Variants in CAMTA1 observed in about 807,000 individuals in gnomAD.
CAMTA1 encodes calmodulin-binding transcription activator 1.
CAMTA1 carries 27 observed loss-of-function variants against 170.9 expected under a neutral mutation model. The observed-to-expected ratio is 0.16, with a 90% confidence interval of 0.12 to 0.22. The LOEUF (loss-of-function observed/expected upper bound fraction) is 0.22. Ranked by LOEUF, CAMTA1 falls within the 10% of genes least tolerant of loss-of-function variation. CAMTA1 has a pLI of 1.00. For missense variants in CAMTA1, 1,619 were observed against 2,217.2 expected, an observed-to-expected ratio of 0.73 and a Z score of 5.42; for synonymous variants, 833 against 891.5, an observed-to-expected ratio of 0.93 and a Z score of 1.17.
chr1:7,744,313 G>T (rs1049975111), intron 16 of CAMTA1, among the ~76,000 whole-genome samples: 1 of 151,136 alleles, frequency 6.6e-6, no homozygotes, highest in Non-Finnish European at 1.5e-5. Context: ...TGTATTTTTA[G>T]TAGGGACAGG....
chr1:7,242,136 C>T (rs533717898), intron 4 of CAMTA1, among the ~76,000 whole-genome samples: 1 of 152,222 alleles, frequency 6.6e-6, no homozygotes, highest in African/African-American at 2.4e-5. Flanking sequence ...TAAAAATAGG[C>T]AAGAGATTCA....
rs191812499 is a variant in CAMTA1, at chr1:7,232,617, C to T, written c.303-16874C>T. ...AGCACTCTGTTCCCGGTGCCTACCA[C>T]GGGGCCAGGCACGTAGGGAGCCTCC... On this transcript the variant is annotated intron_variant, in intron 4 of 22. Transcript: ENST00000303635. Among the ~76,000 whole-genome samples, 41 of 152,234 alleles carry T rather than the reference C, an allele frequency of 2.7e-4. No individual in the cohort carries two copies. The Middle Eastern group carries it at 0.01, about 38-fold the overall frequency.
intron 5 of CAMTA1, among the ~76,000 whole-genome samples, chr1:7,335,525 A>G (rs1485068925): frequency 1.3e-5 from 2 of 152,158 alleles, no homozygotes; most frequent in Non-Finnish European, 2.9e-5. Flanking sequence ...CTGAGGCTCC[A>G]GCTTGAGGCT....
chr1:7,386,725 A>G (rs1200001574), intron 5 of CAMTA1, among the ~76,000 whole-genome samples: 1 of 152,154 alleles, frequency 6.6e-6, no homozygotes, highest in Non-Finnish European at 1.5e-5. Flanking sequence ...GGTAAAACAC[A>G]AGTGGCAACA....
intron 3 of CAMTA1, among the ~76,000 whole-genome samples, chr1:6,994,696 C>G (rs1696922343): frequency 6.6e-6 from 1 of 151,418 alleles, no homozygotes. Context: ...GAGACAAGGT[C>G]TGGCTCTATC....
Position 7,050,794 on chromosome 1 carries a change from G to A in CAMTA1, c.235-40510G>A, listed in dbSNP as rs1706217705. On this transcript the variant is annotated intron_variant, in intron 3 of 22. Coordinates refer to ENST00000303635, the MANE Select transcript of CAMTA1 (RefSeq NM_015215.4). This position sits in a 1 kb window ranked among gnomAD's most constrained non-coding sequence, Gnocchi z 4.8. ...CCACGAGTTTCTAGTCCTTGTCAGG[G>A]TGAGGCAGGCGGAGAAGAGGGGACT... 6.6e-6 allele frequency among the ~76,000 whole-genome samples: 1 copy of A among 152,188 alleles called. No homozygotes were observed. The highest frequency in any genetic ancestry group is 1.5e-5 in the Non-Finnish European group (1 of 68,040).
chr1:7,009,430 C>T (rs1699478588), intron 3 of CAMTA1, among the ~76,000 whole-genome samples: 1 of 152,164 alleles, frequency 6.6e-6, no homozygotes, highest in Non-Finnish European at 1.5e-5. Flanking sequence ...CAAGGAAAGC[C>T]CTTGCCTGCC....
intron 3 of CAMTA1, among the ~76,000 whole-genome samples, chr1:7,025,086 G>T (rs1701844166): frequency 6.6e-6 from 1 of 152,192 alleles, no homozygotes; most frequent in African/African-American, 2.4e-5. Context: ...TGAAGGCTGG[G>T]ATATTTCCCA....
intron 11 of CAMTA1, chr1:7,698,502 G>T: frequency 6.5e-6 from 1 of 153,454 alleles, no homozygotes; most frequent in Non-Finnish European, 1.4e-5. Flanking sequence ...GGGGGGTGCG[G>T]AACTGGAACC....
intron 4 of CAMTA1, among the ~76,000 whole-genome samples, chr1:7,119,600 C>T (rs976535261): frequency 6.6e-6 from 1 of 152,194 alleles, no homozygotes; most frequent in African/African-American, 2.4e-5. Context: ...TCTGCGATCT[C>T]TCTTCTGGGC....
At chr1:6,906,599 T>A (rs527240190) in intron 3 of CAMTA1, among the ~76,000 whole-genome samples, 1 of 152,180 alleles carries the variant, frequency 6.6e-6, no homozygotes, top group Non-Finnish European at 1.5e-5. Flanking sequence ...TTAATAATTA[T>A]TGTTCAAGCA....
At chr1:6,844,311 C>T (rs1050842361) in intron 3 of CAMTA1, among the ~76,000 whole-genome samples, 1 of 152,056 alleles carries the variant, frequency 6.6e-6, no homozygotes, top group Non-Finnish European at 1.5e-5. Flanking sequence ...TACACATGCA[C>T]ACATACACAC....
chr1:6,786,002 C>T (rs1639167142), intron 1 of CAMTA1, among the ~76,000 whole-genome samples: 1 of 151,466 alleles, frequency 6.6e-6, no homozygotes, highest in Admixed American at 6.6e-5. Context: ...AGTTTATCCG[C>T]CTCGGGTCCT....
intron 5 of CAMTA1, among the ~76,000 whole-genome samples, chr1:7,282,691 C>G (rs905383284): frequency 6.6e-6 from 1 of 152,060 alleles, no homozygotes; most frequent in African/African-American, 2.4e-5. Context: ...AGAGTTGGGG[C>G]TGCCCTCCCT....
intron 6 of CAMTA1, among the ~76,000 whole-genome samples, chr1:7,595,559 C>T (rs1328999887): frequency 1.3e-5 from 2 of 152,168 alleles, no homozygotes; most frequent in East Asian, 1.9e-4. Context: ...CGGACACCGC[C>T]GGGGATGCCC....
intron 11 of CAMTA1, among the ~76,000 whole-genome samples, chr1:7,687,203 G>A (rs2096266218): frequency 6.6e-6 from 1 of 151,750 alleles, no homozygotes; most frequent in Non-Finnish European, 1.5e-5. Context: ...GGCTACCCTG[G>A]TATGAGGACA....
chr1:6,866,095 A>G (rs1257939505), intron 3 of CAMTA1, among the ~76,000 whole-genome samples: 2 of 152,164 alleles, frequency 1.3e-5, no homozygotes, highest in Non-Finnish European at 2.9e-5. Flanking sequence ...GAGAGGGTAT[A>G]TGTTGGGACT....
At chr1:7,045,281 G>A (rs1169860387) in intron 3 of CAMTA1, among the ~76,000 whole-genome samples, 3 of 152,190 alleles carry the variant, frequency 2.0e-5, no homozygotes, top group Non-Finnish European at 4.4e-5. Context: ...CTGTGACTTG[G>A]CCTCCAGGGA....
At chr1:7,352,756 G>C (rs562438875) in intron 5 of CAMTA1, among the ~76,000 whole-genome samples, 21 of 152,262 alleles carry the variant, frequency 1.4e-4, no homozygotes, top group African/African-American at 5.1e-4. Flanking sequence ...TTAATTTGGG[G>C]GTGGAGACCT....
Sources: gnomAD v4.1 joint callset for allele counts (sites outside exome capture counted in the v4.1 genomes callset) on GRCh38, gnomAD v4.1.1 for gene constraint, Gnocchi (gnomAD v3.1) non-coding constraint, MANE v1.5 for transcripts, NCBI Gene and HGNC (gene_info 2026-07-23, HGNC 2026-07-21) for gene names.